The following SLC36A1 variants were observed in gnomAD, a reference collection of about 807,000 sequenced individuals.
The protein encoded by SLC36A1 is solute carrier family 36 member 1, also known as proton-coupled amino acid transporter 1.
In SLC36A1, 30 loss-of-function variants were observed where a neutral mutation model predicts 47.5. That is an observed-to-expected ratio of 0.63 (90% CI 0.47 to 0.86). The LOEUF is 0.86. Ranked by LOEUF, SLC36A1 falls within the 40% of genes least tolerant of loss-of-function variation. The probability of loss-of-function intolerance (pLI) is 0.00; values close to 1 mark genes in which losing one functional copy is unlikely to be tolerated. For synonymous variants in SLC36A1, 255 were observed against 249.7 expected (o/e 1.02, Z -0.20); for missense variants, 517 against 606.0 (o/e 0.85, Z 1.54).
the SLC36A1 span, among the ~76,000 whole-genome samples, chr5:151,499,953 G>A: frequency 1.3e-5 from 2 of 151,168 alleles, no homozygotes; most frequent in African/African-American, 4.8e-5. Flanking sequence ...GATGCTCAAA[G>A]TTGCTGTGCC....
At position 151,463,599 on chromosome 5, in the gene SLC36A1, G is replaced by GGACT. The variant is rs763038029; in HGVS notation, c.191_194dup (p.Leu66ThrfsTer47). On this transcript the variant is annotated frameshift_variant, in exon 3 of 11. Transcript: ENST00000243389. LOFTEE classifies it high-confidence loss of function. ...CCTGTTAAAAGGCAACATTGGCACA[G>GGACT]GACTCCTGGGACTCCCTCTGGCGGT... is the stretch of plus-strand genomic sequence containing the variant. 1.2e-6 allele frequency: 2 copies of GGACT among 1,614,198 alleles called. No individual in the cohort carries two copies. The highest frequency in any genetic ancestry group is 3.3e-5 in the Admixed American group (2 of 60,028).
Position 151,465,038 on chromosome 5 carries a change from G to A in SLC36A1, c.324-36G>A, listed in dbSNP as rs531379797. The A allele has an allele frequency of 6.6e-5, 99 of 1,510,090 alleles. 1 individual carries two copies. Among genetic ancestry groups the A allele is most frequent in the South Asian group, 1.8e-4 (16 of 89,100 alleles). The allele number at this position is 1,510,090 out of a possible 1,614,324, so 93.5% of individuals were successfully genotyped here. A position where few individuals can be genotyped will look rare whatever the true frequency, so the allele number is the denominator to read the frequency against. ...CTGTCATTGTCATTGTCTAATCCAC[G>A]TGCTCTGTCCTTCCTCTTCCCTCCT... On this transcript the variant is annotated intron_variant, in intron 4 of 10. Coordinates refer to ENST00000243389, the MANE Select transcript of SLC36A1 (RefSeq NM_078483.4).
chr5:151,506,468 GACTC>G, the SLC36A1 span, among the ~76,000 whole-genome samples: 22,441 of 152,142 alleles, frequency 0.15, 1,987 homozygotes, highest in Non-Finnish European at 0.21. Flanking sequence ...ACACAGTTTG[GACTC>G]ACTCACAGGT....
At chr5:151,543,739 G>T in the SLC36A1 span, 4 of 1,614,202 alleles carry the variant, frequency 2.5e-6, no homozygotes, top group Non-Finnish European at 3.4e-6. Flanking sequence ...AGGCACAGTT[G>T]CTCGGAAGAC....
the SLC36A1 span, among the ~76,000 whole-genome samples, chr5:151,364,548 A>G: frequency 6.6e-6 from 1 of 152,340 alleles, no homozygotes; most frequent in Admixed American, 6.5e-5. Flanking sequence ...ATACTATTAA[A>G]TTATAGAATA....
At chr5:151,355,555 C>T in the SLC36A1 span, among the ~76,000 whole-genome samples, 1 of 151,964 alleles carries the variant, frequency 6.6e-6, no homozygotes, top group Non-Finnish European at 1.5e-5. Flanking sequence ...TCTGTAATAG[C>T]AAAAAATGGA....
the SLC36A1 span, among the ~76,000 whole-genome samples, chr5:151,387,636 C>G: frequency 2.0e-5 from 3 of 152,238 alleles, no homozygotes; most frequent in African/African-American, 2.4e-5. Context: ...GGATTTCACT[C>G]TATTCCCAGG....
chr5:151,378,717 G>A, the SLC36A1 span: 3 of 153,800 alleles, frequency 2.0e-5, no homozygotes, highest in South Asian at 2.1e-4. Context: ...AGATAAAAAC[G>A]CTTGACACCG....
chr5:151,492,554 G>T (rs564429815), downstream of SLC36A1, among the ~76,000 whole-genome samples: 31 of 151,908 alleles, frequency 2.0e-4, no homozygotes, highest in South Asian at 6.0e-3. Context: ...ACTAGGAATG[G>T]TTTTTTATTT....
chr5:151,374,060 A>T, the SLC36A1 span, among the ~76,000 whole-genome samples: 1 of 152,304 alleles, frequency 6.6e-6, no homozygotes, highest in African/African-American at 2.4e-5. Flanking sequence ...GCCTAGTCCA[A>T]GGTGCAAGGC....
At chr5:151,535,100 T>C in the SLC36A1 span, among the ~76,000 whole-genome samples, 2 of 151,574 alleles carry the variant, frequency 1.3e-5, no homozygotes, top group African/African-American at 4.8e-5. Context: ...TCATCCTATA[T>C]GTCTTTCAAA....
At chr5:151,498,691 G>C in the SLC36A1 span, among the ~76,000 whole-genome samples, 1 of 152,164 alleles carries the variant, frequency 6.6e-6, no homozygotes, top group Non-Finnish European at 1.5e-5. Context: ...CCAGCTGTCA[G>C]AACTACCCAC....
chr5:151,426,720 T>C, the SLC36A1 span, among the ~76,000 whole-genome samples: 3 of 152,164 alleles, frequency 2.0e-5, no homozygotes, highest in East Asian at 1.9e-4. Flanking sequence ...AGACCCTTTA[T>C]GGGTGTCGGG....
the SLC36A1 span, among the ~76,000 whole-genome samples, chr5:151,388,230 G>T: frequency 1.3e-5 from 2 of 152,096 alleles, no homozygotes; most frequent in East Asian, 3.9e-4. Context: ...TGGTCTTGGC[G>T]GTGGCTCATG....
At chr5:151,513,384 A>G in the SLC36A1 span, among the ~76,000 whole-genome samples, 1 of 152,264 alleles carries the variant, frequency 6.6e-6, no homozygotes, top group South Asian at 2.1e-4. Context: ...AAAATATGGT[A>G]CAGATACACC....
At position 151,483,417 on chromosome 5, in the gene SLC36A1, C is replaced by G. The variant is rs1034296546; in HGVS notation, c.1159+3928C>G. ...GAGCTGAGGTTGTCCTCTGTCCCCCCTTTTGTACACGCCACAGCTGAGCTG... is the reference window on the plus strand; with the variant it reads ...GAGCTGAGGTTGTCCTCTGTCCCCCGTTTTGTACACGCCACAGCTGAGCTG... On this transcript the variant is annotated intron_variant, in intron 10 of 10. Coordinates refer to ENST00000243389, the MANE Select transcript of SLC36A1 (RefSeq NM_078483.4). 1.1e-4 allele frequency among the ~76,000 whole-genome samples: 16 copies of G among 151,118 alleles called. 1 individual carries two copies. The highest frequency in any genetic ancestry group is 8.6e-4 in the Admixed American group (13 of 15,140).
chr5:151,523,883 A>G, the SLC36A1 span, among the ~76,000 whole-genome samples: 1 of 152,182 alleles, frequency 6.6e-6, no homozygotes, highest in Non-Finnish European at 1.5e-5. Flanking sequence ...TTCCAGTCTC[A>G]TAAATGCACT....
the SLC36A1 span, chr5:151,505,283 C>T: frequency 6.1e-6 from 3 of 489,468 alleles, no homozygotes; most frequent in Non-Finnish European, 1.1e-5. Context: ...TGTCTCTCGC[C>T]CACCCCGGGA....
the SLC36A1 span, among the ~76,000 whole-genome samples, chr5:151,410,475 A>G: frequency 6.9e-6 from 1 of 145,220 alleles, no homozygotes; most frequent in Non-Finnish European, 1.5e-5. Context: ...ACATAAAATA[A>G]AATGGAAATA....
Sources: allele counts gnomAD v4.1 joint callset (sites outside exome capture counted in the v4.1 genomes callset), GRCh38; gene constraint gnomAD v4.1.1; transcripts MANE v1.5; gene names NCBI Gene and HGNC (gene_info 2026-07-23, HGNC 2026-07-21).